The following NT5M variants were observed in gnomAD, a reference collection of about 807,000 sequenced individuals.
The protein encoded by NT5M is 5'(3')-deoxyribonucleotidase, mitochondrial.
In NT5M, 22 loss-of-function variants were observed where a neutral mutation model predicts 22.2. The observed-to-expected ratio is 0.99, with a 90% CI of 0.71 to 1.41. NT5M has a LOEUF of 1.41. NT5M is among the 40% of genes most tolerant of loss of function. NT5M has a pLI of 0.00. For synonymous variants in NT5M, 167 were observed against 133.0 expected, an observed-to-expected ratio of 1.26 and a Z score of -1.76; for missense variants, 322 against 314.8, an observed-to-expected ratio of 1.02 and a Z score of -0.17.
chr17:17,309,247 T>A (rs2048874562), intron 2 of NT5M, among the ~76,000 whole-genome samples: 1 of 151,832 alleles, frequency 6.6e-6, no homozygotes, highest in Non-Finnish European at 1.5e-5. Flanking sequence ...TGCGTCAGCC[T>A]CTAGAGTCGC....
In NT5M at chr17:17,347,659, C is replaced by G. The variant is rs145596757; in HGVS notation, c.*712C>G. ...AAATAAATGCTGTTCATGTGTGTAG[C>G]TCAAGGCTGTGGCCTGCCCTAAGAT... On this transcript the variant is annotated 3_prime_UTR_variant, in exon 5 of 5. Coordinates refer to ENST00000389022, the MANE Select transcript of NT5M (RefSeq NM_020201.4). 6.6e-6 allele frequency: 1 copy of G among 152,290 alleles called. No individual in the cohort carries two copies. The highest frequency in any genetic ancestry group is 2.4e-5 in the African/African-American group (1 of 41,428). The allele number at this position is 152,290 out of a possible 1,614,324, so 9.4% of individuals were successfully genotyped here.
Position 17,333,834 on chromosome 17 carries a change from A to AT in NT5M, c.429+10606dup, listed in dbSNP as rs35917484. Among the ~76,000 whole-genome samples, 265 of 117,176 alleles carry AT rather than the reference A, an allele frequency of 2.3e-3. 2 individuals are homozygous for AT. The highest frequency in any genetic ancestry group is 3.6e-3 in the African/African-American group (113 of 31,820). The allele number at this position is 117,176 out of a possible 152,430, so 76.9% of individuals were successfully genotyped here. ...CACCATGCCCAGCTAATGTTTTTGTATTTTTTTTTTTTTTTTTGAGATGGA... is the reference window on the plus strand; with the variant it reads ...CACCATGCCCAGCTAATGTTTTTGTATTTTTTTTTTTTTTTTTTGAGATGGA... On this transcript the variant is annotated intron_variant, in intron 3 of 4. Coordinates refer to ENST00000389022, the MANE Select transcript of NT5M (RefSeq NM_020201.4).
At chr17:17,309,127 C>CTTT (rs35861887) in intron 2 of NT5M, among the ~76,000 whole-genome samples, 5 of 140,468 alleles carry the variant, frequency 3.6e-5, no homozygotes, top group Admixed American at 1.4e-4. Flanking sequence ...TTCTTTCTTT[C>CTTT]TTTTTTTTTT....
At chr17:17,310,267 A>G (rs1211943135) in intron 2 of NT5M, among the ~76,000 whole-genome samples, 1 of 152,218 alleles carries the variant, frequency 6.6e-6, no homozygotes, top group Admixed American at 6.5e-5. Context: ...AATGAAAAAA[A>G]GCCAGGCACA....
chr17:17,345,484 G>T (rs116453241), intron 4 of NT5M, among the ~76,000 whole-genome samples: 1 of 152,126 alleles, frequency 6.6e-6, no homozygotes, highest in Non-Finnish European at 1.5e-5. Context: ...CCAACATAGC[G>T]AGACTCTCTC....
intron 3 of NT5M, among the ~76,000 whole-genome samples, chr17:17,334,288 T>G (rs775620313): frequency 2.6e-5 from 4 of 151,592 alleles, no homozygotes; most frequent in Non-Finnish European, 5.9e-5. Flanking sequence ...AATTATCATA[T>G]ATTGTAGGAG....
At chr17:17,331,679 C>G (rs1003060934) in intron 3 of NT5M, among the ~76,000 whole-genome samples, 2 of 151,576 alleles carry the variant, frequency 1.3e-5, no homozygotes, top group Non-Finnish European at 2.9e-5. Context: ...ACTGCAGCCT[C>G]TAACTCCCAG....
chr17:17,326,114 G>A (rs541905950), intron 3 of NT5M, among the ~76,000 whole-genome samples: 73 of 152,342 alleles, frequency 4.8e-4, no homozygotes, highest in Middle Eastern at 3.4e-3. Context: ...TTAAACACCG[G>A]CGAGTACAGT....
At chr17:17,312,993 C>T (rs528364720) in intron 2 of NT5M, among the ~76,000 whole-genome samples, 132 of 151,480 alleles carry the variant, frequency 8.7e-4, no homozygotes, top group Non-Finnish European at 1.6e-3. Flanking sequence ...TATTCTAGGC[C>T]GGGTGCTGGC....
At chr17:17,336,898 G>A (rs2049525594) in intron 3 of NT5M, among the ~76,000 whole-genome samples, 1 of 152,172 alleles carries the variant, frequency 6.6e-6, no homozygotes, top group African/African-American at 2.4e-5. Context: ...GTCATCAGTT[G>A]ATGTACACTG....
At chr17:17,320,599 G>A (rs1164102421) in intron 2 of NT5M, among the ~76,000 whole-genome samples, 3 of 152,184 alleles carry the variant, frequency 2.0e-5, no homozygotes, top group African/African-American at 4.8e-5. Context: ...CGTTTCCCAC[G>A]TTGGAAATCC....
rs2049587009 is a variant in NT5M at position 17,339,120 on chromosome 17, A to C, written c.430-5674A>C. On this transcript the variant is annotated intron_variant, in intron 3 of 4. Coordinates refer to ENST00000389022, the MANE Select transcript of NT5M (RefSeq NM_020201.4). ...CTATATTTATTCTTCTAATCCATGG[A>C]CATGGAATGAGTATCTTTCCACTTT... Among the ~76,000 whole-genome samples, 3 of 152,346 alleles carry C rather than the reference A, an allele frequency of 2.0e-5. No homozygotes were observed. The South Asian group carries it at 6.2e-4, about 32-fold the overall frequency.
chr17:17,323,164 C>T, intron 2 of NT5M, 21 bp from the exon 3 acceptor site: 3 of 1,612,524 alleles, frequency 1.9e-6, no homozygotes, highest in East Asian at 2.2e-5. Flanking sequence ...GCAGGCTCAA[C>T]CTCCTTTCTC....
At chr17:17,341,686 G>C (rs1397693091) in intron 3 of NT5M, among the ~76,000 whole-genome samples, 1 of 152,210 alleles carries the variant, frequency 6.6e-6, no homozygotes, top group Non-Finnish European at 1.5e-5. Flanking sequence ...GCTCCAGGAG[G>C]CTCAGGGGGA....
chr17:17,336,742 G>A (rs2049522188), intron 3 of NT5M, among the ~76,000 whole-genome samples: 1 of 151,782 alleles, frequency 6.6e-6, no homozygotes, highest in South Asian at 2.1e-4. Flanking sequence ...GTAGAGGTGG[G>A]GTTTCATCAT....
In NT5M at chr17:17,303,645, G is replaced by A; in HGVS notation, c.95G>A (p.Gly32Glu). 6.8e-7 allele frequency: 1 copy of A among 1,464,900 alleles called. No homozygotes were observed. The highest frequency in any genetic ancestry group is 1.4e-5 in the South Asian group (1 of 71,356). 90.7% of individuals were successfully genotyped at this position (1,464,900 alleles called of 1,614,324 possible). A position where few individuals can be genotyped will look rare whatever the true frequency, so the allele number is the denominator to read the frequency against. Residue 32 changes from glycine to glutamate, a missense_variant, in exon 1 of 5, where the codon GGA becomes GAA. Coordinates refer to ENST00000389022, the MANE Select transcript of NT5M (RefSeq NM_020201.4). ...GCGGCGGGCGGGCTGGGCCTGGCGG[G>A]AGGCCGCGCCCTACGGGTGCTGGTG... ...RGAAGGLGLA[G>E]GRALRVLVDM...
At chr17:17,318,173 T>A (rs1373436406) in intron 2 of NT5M, among the ~76,000 whole-genome samples, 1 of 150,994 alleles carries the variant, frequency 6.6e-6, no homozygotes, top group Non-Finnish European at 1.5e-5. Context: ...TGGAATATGT[T>A]TCAGCTATAA....
At chr17:17,341,639 A>G (rs545269915) in intron 3 of NT5M, among the ~76,000 whole-genome samples, 332 of 152,334 alleles carry the variant, frequency 2.2e-3, no homozygotes, top group Non-Finnish European at 3.2e-3. Context: ...AGCTGGTGGT[A>G]TCTATGCGCA....
At chr17:17,331,509 A>C (rs554682111) in intron 3 of NT5M, among the ~76,000 whole-genome samples, 1 of 151,848 alleles carries the variant, frequency 6.6e-6, no homozygotes, top group Admixed American at 6.6e-5. Context: ...ATAATTCCAA[A>C]GCTAACTCAC....
Sources: gnomAD v4.1 joint callset for allele counts (sites outside exome capture counted in the v4.1 genomes callset) on GRCh38, gnomAD v4.1.1 for gene constraint, MANE v1.5 for transcripts, NCBI Gene and HGNC (gene_info 2026-07-23, HGNC 2026-07-21) for gene names.